Variants in AGPAT2 observed in about 807,000 individuals in gnomAD.
The protein encoded by AGPAT2 is 1-acyl-sn-glycerol-3-phosphate acyltransferase beta.
Under a neutral mutation model 26.1 loss-of-function variants are expected in AGPAT2, and 18 were observed. The ratio of observed to expected loss-of-function variants is 0.69; its 90% CI spans 0.48 to 1.02. AGPAT2 has a LOEUF of 1.02. Ranked by LOEUF, AGPAT2 falls within the 50% of genes least tolerant of loss-of-function variation. The pLI is 0.00. For synonymous variants in AGPAT2, 200 were observed against 174.2 expected, an observed-to-expected ratio of 1.15 and a Z score of -1.16; for missense variants, 415 against 394.9, an observed-to-expected ratio of 1.05 and a Z score of -0.43.
At position 136,673,681 on chromosome 9, in the gene AGPAT2, T is replaced by G; in HGVS notation, c.*71A>C. The G allele has an allele frequency of 1.4e-6, 2 of 1,421,992 alleles. No individual in the cohort carries two copies. Among genetic ancestry groups the G allele is most frequent in the African/African-American group, 1.5e-5 (1 of 68,740 alleles). 88.1% of individuals were successfully genotyped at this position (1,421,992 alleles called of 1,614,324 possible). ...AGTGGTATTTGGAAGCCGGGAGGAG[T>G]CCCCTCTGCCCATCCTCCAGCCATC... is the stretch of plus-strand genomic sequence containing the variant. On this transcript the variant is annotated 3_prime_UTR_variant, in exon 6 of 6. Coordinates refer to ENST00000371696, the MANE Select transcript of AGPAT2 (RefSeq NM_006412.4).
chr9:136,677,280 T>C, intron 2 of AGPAT2, 143 bp downstream of exon 2: 2 of 1,503,858 alleles, frequency 1.3e-6, no homozygotes, highest in Non-Finnish European at 1.8e-6. Flanking sequence ...AGCCTCTGTG[T>C]CTGGCCCTGA....
rs1846036419 is a variant in AGPAT2, at chr9:136,673,451, TCAGCCCACCAGCGGGCCAC to T, written c.*282_*300del. The T allele has an allele frequency of 6.9e-6, 2 of 288,202 alleles. No homozygotes were observed. Among genetic ancestry groups the T allele is most frequent in the South Asian group, 2.3e-4 (2 of 8,560 alleles). 17.9% of individuals were successfully genotyped at this position (288,202 alleles called of 1,614,324 possible). A position where few individuals can be genotyped will look rare whatever the true frequency, so the allele number is the denominator to read the frequency against. The stretch of plus-strand genomic sequence containing the variant: ...CCTGGGCCATCGGGGGCCTTGTGGC[TCAGCCCACCAGCGGGCCAC>T]AGCCGCAAGCCTCATCTTTATCATC... On this transcript the variant is annotated 3_prime_UTR_variant, in exon 6 of 6. Coordinates refer to ENST00000371696, the MANE Select transcript of AGPAT2 (RefSeq NM_006412.4).
At chr9:136,679,018 T>G (rs1399887134) in intron 1 of AGPAT2, among the ~76,000 whole-genome samples, 31 of 152,326 alleles carry the variant, frequency 2.0e-4, no homozygotes. Context: ...CCTCCCAAAG[T>G]GCTGGGCTTA....
intron 1 of AGPAT2, among the ~76,000 whole-genome samples, chr9:136,683,550 C>G (rs550509586): frequency 1.3e-5 from 2 of 152,170 alleles, no homozygotes; most frequent in South Asian, 4.1e-4. Flanking sequence ...TGGTGTTTTC[C>G]GACAAGTGTC....
Position 136,675,838 on chromosome 9 carries a change from G to A in AGPAT2, c.588+747C>T, listed in dbSNP as rs980538370. On this transcript the variant is annotated intron_variant, in intron 4 of 5. Coordinates refer to ENST00000371696, the MANE Select transcript of AGPAT2 (RefSeq NM_006412.4). ...GCCTCCGGGGCTCCCCAGGCCTCAC[G>A]GCCTTAGCTGGGAGCCTCTGGAAGG... 8.5e-5 allele frequency among the ~76,000 whole-genome samples: 13 copies of A among 152,126 alleles called. No individual in the cohort carries two copies. In the East Asian group the frequency reaches 1.3e-3, roughly 16 times the overall value.
At position 136,676,966 on chromosome 9, in the gene AGPAT2, C is replaced by G; in HGVS notation, c.487G>C (p.Glu163Gln). The change falls in exon 3 of 6, where the codon GAG becomes CAG. Residue 163 changes from glutamate to glutamine, a missense_variant. Transcript: ENST00000371696. ...MADLGERMVR[E>Q]NLKVWIYPEG... ...GCCCGGCCCTGCACACTCACGTTCTCCCTGACCATGCGCTCGCCCAGGTCG... is the reference window on the plus strand; with the variant it reads ...GCCCGGCCCTGCACACTCACGTTCTGCCTGACCATGCGCTCGCCCAGGTCG... 6.9e-7 allele frequency: 1 copy of G among 1,453,770 alleles called. No individual in the cohort carries two copies. Among genetic ancestry groups the G allele is most frequent in the East Asian group, 3.2e-5 (1 of 31,294 alleles). The allele number at this position is 1,453,770 out of a possible 1,614,324, so 90.1% of individuals were successfully genotyped here.
At chr9:136,674,355 A>G (rs1846060116) in intron 5 of AGPAT2, among the ~76,000 whole-genome samples, 1 of 151,974 alleles carries the variant, frequency 6.6e-6, no homozygotes, top group Non-Finnish European at 1.5e-5. Context: ...AAGGGGCAAG[A>G]GGTCATGAGC....
chr9:136,677,682 G>C (rs571277402), intron 1 of AGPAT2, 126 bp from the exon 2 acceptor site: 2 of 1,144,090 alleles, frequency 1.7e-6, no homozygotes, highest in Non-Finnish European at 2.6e-6. Context: ...GCAGGAGACC[G>C]GGAGACACAG....
At chr9:136,682,502 T>C (rs955322072) in intron 1 of AGPAT2, among the ~76,000 whole-genome samples, 2 of 152,008 alleles carry the variant, frequency 1.3e-5, no homozygotes, top group Non-Finnish European at 2.9e-5. Context: ...CCTGGACTCC[T>C]TGCCTCCCCG....
intron 4 of AGPAT2, 68 bp downstream of exon 4, chr9:136,676,517 T>C: frequency 7.6e-7 from 1 of 1,320,028 alleles, no homozygotes; most frequent in Non-Finnish European, 1.1e-6. Context: ...GGTCACCTGC[T>C]GCCTTAAGCC....
At chr9:136,682,669 G>A (rs2119196515) in intron 1 of AGPAT2, among the ~76,000 whole-genome samples, 1 of 152,358 alleles carries the variant, frequency 6.6e-6, no homozygotes, top group South Asian at 2.1e-4. Flanking sequence ...AGCCCAGACT[G>A]GGCCCTTCTG....
intron 1 of AGPAT2, among the ~76,000 whole-genome samples, chr9:136,682,067 A>G (rs987986777): frequency 7.2e-5 from 11 of 152,118 alleles, no homozygotes; most frequent in African/African-American, 2.7e-4. Flanking sequence ...AGGTTCAGCA[A>G]AGTTAAGTGA....
rs563539429 is a variant in AGPAT2, at chr9:136,677,540, C to G, written c.199G>C (p.Val67Leu). Residue 67 changes from valine (V) to leucine (L), a missense_variant, in exon 2 of 6, where the codon GTG (valine) becomes CTG (leucine). By Grantham distance (32) the Val-to-Leu change is conservative. Coordinates refer to ENST00000371696, the MANE Select transcript of AGPAT2 (RefSeq NM_006412.4). ...CCGTAAAAGTACTTGAAGCTTCGCA[C>G]GAACCAGCCGATGATGCTGCAGGGG... Reference protein sequence around the residue: ...VENMSIIGWFVRSFKYFYGLR... With the variant: ...VENMSIIGWFLRSFKYFYGLR... 7 of 1,612,684 alleles carry G rather than the reference C, an allele frequency of 4.3e-6. No individual in the cohort carries two copies. Among genetic ancestry groups the G allele is most frequent in the Non-Finnish European group, 5.9e-6 (7 of 1,179,932 alleles).
chr9:136,680,555 T>C (rs904865475), intron 1 of AGPAT2, among the ~76,000 whole-genome samples: 4 of 152,050 alleles, frequency 2.6e-5, no homozygotes, highest in Admixed American at 6.6e-5. Flanking sequence ...AACAACTGCA[T>C]CTTGGTGATG....
chr9:136,685,600 AC>A (rs1588269259), intron 1 of AGPAT2, among the ~76,000 whole-genome samples: 1 of 151,862 alleles, frequency 6.6e-6, no homozygotes, highest in Non-Finnish European at 1.5e-5. Flanking sequence ...AAAGAACAGG[AC>A]CCCGTCCCCT....
In AGPAT2 at chr9:136,677,554, A is replaced by C. The variant is rs772032254; in HGVS notation, c.185T>G (p.Ile62Ser). Reference sequence around the variant, plus strand: ...GAAGCTTCGCACGAACCAGCCGATGATGCTGCAGGGGAGGCCACCATGAAC... The same window carrying C: ...GAAGCTTCGCACGAACCAGCCGATGCTGCTGCAGGGGAGGCCACCATGAAC... ...HGGRTVENMS[I>S]IGWFVRSFKY... is the part of the protein sequence containing the mutation. Residue 62 changes from isoleucine (I) to serine (S), a missense_variant and splice_region_variant, in exon 2 of 6, where the codon ATC becomes AGC. Coordinates refer to ENST00000371696, the MANE Select transcript of AGPAT2 (RefSeq NM_006412.4). 19 of 1,612,774 alleles carry C rather than the reference A, an allele frequency of 1.2e-5. No homozygotes were observed. Among genetic ancestry groups the C allele is most frequent in the Admixed American group, 1.7e-5 (1 of 60,010 alleles).
chr9:136,686,930 GC>G (rs1380382801), intron 1 of AGPAT2, among the ~76,000 whole-genome samples: 2 of 152,158 alleles, frequency 1.3e-5, no homozygotes, highest in Non-Finnish European at 2.9e-5. Flanking sequence ...CGGTGTAGAC[GC>G]CCGGGGCCAG....
At chr9:136,686,127 T>C (rs959170033) in intron 1 of AGPAT2, among the ~76,000 whole-genome samples, 5 of 152,268 alleles carry the variant, frequency 3.3e-5, no homozygotes, top group South Asian at 4.1e-4. Flanking sequence ...TGGGGCTCCG[T>C]TGGAAGCCAT....
intron 1 of AGPAT2, among the ~76,000 whole-genome samples, chr9:136,684,450 TG>T (rs930159067): frequency 1.3e-5 from 2 of 152,130 alleles, no homozygotes; most frequent in Non-Finnish European, 2.9e-5. Flanking sequence ...CCAAGCCCGG[TG>T]GGAACGAAGG....
Sources: gnomAD v4.1 joint callset for allele counts (sites outside exome capture counted in the v4.1 genomes callset) on GRCh38, gnomAD v4.1.1 for gene constraint, MANE v1.5 for transcripts, NCBI Gene and HGNC (gene_info 2026-07-23, HGNC 2026-07-21) for gene names.